Variants in STRN observed in about 807,000 individuals in gnomAD.
The protein encoded by STRN is protein phosphatase 2 regulatory subunit B'''alpha.
A neutral mutation model predicts 96.3 loss-of-function variants in STRN; 53 were observed. The observed-to-expected ratio is 0.55, with a 90% CI of 0.44 to 0.69. STRN has a LOEUF of 0.69. STRN is among the 30% of genes least tolerant of loss of function. The probability of loss-of-function intolerance (pLI) is 0.00; values close to 1 mark genes in which losing one functional copy is unlikely to be tolerated. For missense variants in STRN, 987 were observed against 963.9 expected (o/e 1.02, Z -0.32); for synonymous variants, 428 against 355.9 (o/e 1.20, Z -2.28).
intron 1 of STRN, among the ~76,000 whole-genome samples, chr2:36,955,936 C>T (rs1322596790): frequency 6.6e-6 from 1 of 152,132 alleles, no homozygotes; most frequent in Non-Finnish European, 1.5e-5. Flanking sequence ...TTTACTTTTC[C>T]CTATGGGATA....
intron 15 of STRN, among the ~76,000 whole-genome samples, chr2:36,853,533 G>C (rs2148127510): frequency 6.6e-6 from 1 of 152,314 alleles, no homozygotes; most frequent in South Asian, 2.1e-4. Context: ...TGATAAATCA[G>C]AGAAGTCGGC....
chr2:36,911,708 C>G (rs1167843497), intron 3 of STRN, among the ~76,000 whole-genome samples: 1 of 152,128 alleles, frequency 6.6e-6, no homozygotes, highest in Non-Finnish European at 1.5e-5. Flanking sequence ...TAGTTCATGG[C>G]TTATCACTTC....
At chr2:36,879,933 C>A (rs1272892865) in intron 9 of STRN, among the ~76,000 whole-genome samples, 1 of 151,700 alleles carries the variant, frequency 6.6e-6, no homozygotes, top group African/African-American at 2.4e-5. Flanking sequence ...TGTCTGAGAC[C>A]AGCCTGGGCG....
At chr2:36,894,245 T>C (rs1375335635) in intron 6 of STRN, among the ~76,000 whole-genome samples, 1 of 152,224 alleles carries the variant, frequency 6.6e-6, no homozygotes, top group East Asian at 1.9e-4. Context: ...TTATGGCTTG[T>C]TTTAAGTAAA....
chr2:36,891,802 TC>T (rs889864474), intron 7 of STRN, among the ~76,000 whole-genome samples: 2 of 152,214 alleles, frequency 1.3e-5, no homozygotes, highest in African/African-American at 4.8e-5. Context: ...CTTGAACTTA[TC>T]TAGGAGAGTT....
At chr2:36,915,232 A>AATATATATATATATATATAT (rs72466696) in intron 3 of STRN, among the ~76,000 whole-genome samples, 9 of 86,496 alleles carry the variant, frequency 1.0e-4, no homozygotes, top group Admixed American at 3.7e-4. Flanking sequence ...TGAATACATA[A>AATATATATATATATATATAT]ATATATATAT....
chr2:36,863,243 A>G (rs1300969906), intron 12 of STRN, among the ~76,000 whole-genome samples: 1 of 151,970 alleles, frequency 6.6e-6, no homozygotes, highest in Non-Finnish European at 1.5e-5. Flanking sequence ...TCATCATGAA[A>G]TCTTTGCCAG....
At chr2:36,913,785 T>C (rs1281329369) in intron 3 of STRN, among the ~76,000 whole-genome samples, 1 of 152,222 alleles carries the variant, frequency 6.6e-6, no homozygotes, top group Non-Finnish European at 1.5e-5. Flanking sequence ...AACTAGGTAT[T>C]GTACACTAAG....
In STRN at chr2:36,839,102, G is replaced by A. The variant is rs1667886350; in HGVS notation, c.*10354C>T. Among the ~76,000 whole-genome samples the A allele has an allele frequency of 6.6e-6, 1 of 152,180 alleles. No individual in the cohort carries two copies. The highest frequency in any genetic ancestry group is 2.4e-5 in the African/African-American group (1 of 41,434). ...TAATTAGAAAGATACATATCAGGGA[G>A]GTAGGAATGAAGGGGTATGATGGGA... On this transcript the variant is annotated 3_prime_UTR_variant, in exon 18 of 18. Transcript: ENST00000263918.
chr2:36,930,796 G>A (rs1446193908), intron 1 of STRN, among the ~76,000 whole-genome samples: 2 of 152,024 alleles, frequency 1.3e-5, no homozygotes, highest in Admixed American at 6.6e-5. Flanking sequence ...ACTTTGGGAG[G>A]CCGAGACGGG....
Position 36,931,599 on chromosome 2 carries a change from G to C in STRN, c.235-6391C>G, listed in dbSNP as rs569700677. Among the ~76,000 whole-genome samples, 51 of 152,324 alleles carry C rather than the reference G, an allele frequency of 3.3e-4. 1 individual carries two copies. Among genetic ancestry groups the C allele is most frequent in the Admixed American group, 2.9e-3 (45 of 15,298 alleles). On this transcript the variant is annotated intron_variant, in intron 1 of 17. Coordinates refer to ENST00000263918, the MANE Select transcript of STRN (RefSeq NM_003162.4). Reference sequence around the variant, plus strand: ...AGTTATTGGTACTGGGACTAAAGTAGTGACAAAACAAAACAGAGCTAACAA... The same window carrying C: ...AGTTATTGGTACTGGGACTAAAGTACTGACAAAACAAAACAGAGCTAACAA...
At chr2:36,949,456 G>A (rs1664699601) in intron 1 of STRN, among the ~76,000 whole-genome samples, 1 of 152,160 alleles carries the variant, frequency 6.6e-6, no homozygotes, top group Non-Finnish European at 1.5e-5. Context: ...AGCCTGGGAG[G>A]CAATACTATG....
rs984661999 is a variant in STRN, at chr2:36,902,883, C to G, written c.492-132G>C. ...ACAGTACAGTACTATGCTAGTAAGA[C>G]TTGTTAATAAATAATCTTCCAGCTG... is the stretch of plus-strand genomic sequence containing the variant. On this transcript the variant is annotated intron_variant, in intron 4 of 17. Coordinates refer to ENST00000263918, the MANE Select transcript of STRN (RefSeq NM_003162.4). 9.7e-6 allele frequency: 6 copies of G among 619,978 alleles called. No homozygotes were observed. The African/African-American group carries it at 1.1e-4, about 12-fold the overall frequency. 38.4% of individuals were successfully genotyped at this position (619,978 alleles called of 1,614,324 possible). A position where few individuals can be genotyped will look rare whatever the true frequency, so the allele number is the denominator to read the frequency against.
chr2:36,859,868 T>G (rs1668432873), intron 13 of STRN, among the ~76,000 whole-genome samples: 2 of 152,298 alleles, frequency 1.3e-5, no homozygotes, highest in South Asian at 4.1e-4. Context: ...GATCAGGCAA[T>G]TAGTTACTGA....
intron 1 of STRN, among the ~76,000 whole-genome samples, chr2:36,963,193 G>A (rs1299011492): frequency 1.3e-5 from 2 of 152,190 alleles, no homozygotes; most frequent in African/African-American, 4.8e-5. Context: ...ATCTGAAGGA[G>A]GGAGGAAGCA....
intron 1 of STRN, among the ~76,000 whole-genome samples, chr2:36,951,771 C>T (rs1664757712): frequency 6.6e-6 from 1 of 152,134 alleles, no homozygotes; most frequent in Non-Finnish European, 1.5e-5. Context: ...CAAATATATA[C>T]CAAGTATGAG....
intron 1 of STRN, among the ~76,000 whole-genome samples, chr2:36,928,423 G>C (rs1180086781): frequency 6.6e-6 from 1 of 151,962 alleles, no homozygotes; most frequent in East Asian, 1.9e-4. Flanking sequence ...AGGCCGAGGC[G>C]GGGGGATCAC....
At chr2:36,890,249 T>C (rs1237301703) in intron 7 of STRN, among the ~76,000 whole-genome samples, 4 of 152,146 alleles carry the variant, frequency 2.6e-5, no homozygotes, top group Non-Finnish European at 4.4e-5. Flanking sequence ...ACTTGTTTTC[T>C]TGAAAGAAAA....
chr2:36,922,687 C>A (rs1391353343), intron 2 of STRN, among the ~76,000 whole-genome samples: 1 of 152,134 alleles, frequency 6.6e-6, no homozygotes, highest in African/African-American at 2.4e-5. Flanking sequence ...TCTCCACACA[C>A]AAAGATTACA....
Sources: gnomAD v4.1 joint callset for allele counts (sites outside exome capture counted in the v4.1 genomes callset) on GRCh38, gnomAD v4.1.1 for gene constraint, MANE v1.5 for transcripts, NCBI Gene and HGNC (gene_info 2026-07-23, HGNC 2026-07-21) for gene names.